Variants in SORCS2 observed in about 807,000 individuals in gnomAD.
SORCS2 encodes sortilin related VPS10 domain containing receptor 2, also known as VPS10 domain-containing receptor SorCS2.
In SORCS2, 100 loss-of-function variants were observed where a neutral mutation model predicts 141.6. The observed-to-expected ratio is 0.71, with a 90% CI of 0.60 to 0.83. The LOEUF (loss-of-function observed/expected upper bound fraction) is 0.83, where lower values mean the gene tolerates loss of function less well. Among genes scored for constraint, SORCS2 ranks in the 40% least tolerant of loss-of-function variants. SORCS2 has a pLI of 0.00. For missense variants in SORCS2, 1,646 were observed against 1,560.2 expected (o/e 1.05, Z -0.93); for synonymous variants, 789 against 676.9 (o/e 1.17, Z -2.57).
chr4:7,703,154 C>A, intron 12 of SORCS2, 126 bp from the exon 13 acceptor site: 1 of 690,108 alleles, frequency 1.4e-6, no homozygotes, highest in Non-Finnish European at 2.4e-6. Context: ...ACCCTCAGAC[C>A]GGCCTTGGCC....
At chr4:7,601,783 AGGTCTCT>A (rs2108793597) in intron 3 of SORCS2, among the ~76,000 whole-genome samples, 1 of 152,186 alleles carries the variant, frequency 6.6e-6, no homozygotes, top group East Asian at 1.9e-4. Flanking sequence ...ATGTGAACAA[AGGTCTCT>A]GGTTTTCCTA....
intron 3 of SORCS2, among the ~76,000 whole-genome samples, chr4:7,622,761 C>T (rs767584604): frequency 1.3e-5 from 2 of 152,152 alleles, no homozygotes; most frequent in Admixed American, 6.5e-5. Flanking sequence ...GTGGCCTCCA[C>T]GAGATTGTAG....
chr4:7,604,907 G>A (rs1000054121), intron 3 of SORCS2, among the ~76,000 whole-genome samples: 4 of 152,114 alleles, frequency 2.6e-5, no homozygotes, highest in Non-Finnish European at 5.9e-5. Flanking sequence ...CCTCTCCTTG[G>A]ATTTGTCTCC....
At position 7,292,325 on chromosome 4, in the gene SORCS2, C is replaced by A. The variant is rs184403868; in HGVS notation, c.480+99199C>A. On this transcript the variant is annotated intron_variant, in intron 1 of 26. Transcript: ENST00000507866. ...TTCACCAAGGAGGCTCCCCACCATT[C>A]GCAGTCTGTTCACCAAGGAGGCTCC... Among the ~76,000 whole-genome samples, 273 of 152,216 alleles carry A rather than the reference C, an allele frequency of 1.8e-3. 7 individuals are homozygous for A. Among genetic ancestry groups the A allele is most frequent in the Admixed American group, 0.016 (250 of 15,296 alleles).
At chr4:7,327,230 T>C (rs1292154930) in intron 1 of SORCS2, among the ~76,000 whole-genome samples, 4 of 152,228 alleles carry the variant, frequency 2.6e-5, no homozygotes, top group Non-Finnish European at 5.9e-5. Flanking sequence ...AAGGGAGTTA[T>C]TGGGCCACTG....
intron 1 of SORCS2, among the ~76,000 whole-genome samples, chr4:7,388,370 A>G (rs1313067992): frequency 6.6e-6 from 1 of 152,152 alleles, no homozygotes; most frequent in South Asian, 2.1e-4. Flanking sequence ...GAGAAAAGCC[A>G]CCTGTGTTCT....
chr4:7,410,604 A>G (rs559570081), intron 2 of SORCS2, among the ~76,000 whole-genome samples: 1 of 152,192 alleles, frequency 6.6e-6, no homozygotes, highest in African/African-American at 2.4e-5. Context: ...TTCTCCCATT[A>G]CCTAAAATGT....
intron 1 of SORCS2, among the ~76,000 whole-genome samples, chr4:7,199,007 C>T (rs1258815395): frequency 1.3e-5 from 2 of 152,174 alleles, no homozygotes; most frequent in Non-Finnish European, 2.9e-5. Flanking sequence ...ATATTTGCCT[C>T]CAAAGCAGCC....
chr4:7,396,191 G>T, intron 1 of SORCS2, 97 bp from the exon 2 acceptor site: 1 of 1,175,314 alleles, frequency 8.5e-7, no homozygotes, highest in South Asian at 1.4e-5. Context: ...GTTATTTAGA[G>T]ACCCCAAATT....
intron 1 of SORCS2, among the ~76,000 whole-genome samples, chr4:7,275,467 G>A (rs1456281428): frequency 1.3e-5 from 2 of 152,146 alleles, no homozygotes; most frequent in Admixed American, 6.5e-5. Context: ...TCTGCTCTGC[G>A]ATGTTGCCAG....
At chr4:7,492,188 C>CGCCACCTGT (rs1401965457) in intron 2 of SORCS2, among the ~76,000 whole-genome samples, 1 of 152,234 alleles carries the variant, frequency 6.6e-6, no homozygotes, top group Non-Finnish European at 1.5e-5. Context: ...GCCCACCTCC[C>CGCCACCTGT]GCCACCTGTA....
chr4:7,533,657 C>T (rs1228862588), intron 3 of SORCS2, among the ~76,000 whole-genome samples: 1 of 152,216 alleles, frequency 6.6e-6, no homozygotes, highest in Non-Finnish European at 1.5e-5. Flanking sequence ...AAGGGCAAGG[C>T]AACAGGGGCA....
At chr4:7,284,683 T>A (rs1716093822) in intron 1 of SORCS2, among the ~76,000 whole-genome samples, 1 of 152,178 alleles carries the variant, frequency 6.6e-6, no homozygotes, top group Admixed American at 6.5e-5. Context: ...ACAGGCTGTT[T>A]ATGGCAGAGA....
intron 21 of SORCS2, among the ~76,000 whole-genome samples, 161 bp from the exon 22 acceptor site, chr4:7,728,189 C>G (rs553761641): frequency 6.6e-6 from 1 of 152,156 alleles, no homozygotes; most frequent in Non-Finnish European, 1.5e-5. Flanking sequence ...GGACTGCTGT[C>G]GGCCTGCTTG....
At chr4:7,449,505 C>T (rs748969899) in intron 2 of SORCS2, among the ~76,000 whole-genome samples, 5 of 150,104 alleles carry the variant, frequency 3.3e-5, no homozygotes, top group Admixed American at 6.7e-5. Flanking sequence ...CGTTGTGCCT[C>T]TGGTCTCCCT....
intron 1 of SORCS2, among the ~76,000 whole-genome samples, chr4:7,259,594 G>A (rs1396200786): frequency 6.6e-6 from 1 of 152,152 alleles, no homozygotes; most frequent in African/African-American, 2.4e-5. Context: ...TGCTCCTCAT[G>A]CCCTGTCCAG....
chr4:7,734,086 A>G (rs543478005), intron 24 of SORCS2, among the ~76,000 whole-genome samples, 186 bp from the exon 25 acceptor site: 10 of 137,158 alleles, frequency 7.3e-5, no homozygotes, highest in Non-Finnish European at 1.6e-4. Flanking sequence ...GGGCTGGGGA[A>G]GGGCTGGGGA....
chr4:7,731,166 C>A (rs1711642234), intron 23 of SORCS2, among the ~76,000 whole-genome samples: 1 of 152,174 alleles, frequency 6.6e-6, no homozygotes, highest in Non-Finnish European at 1.5e-5. Flanking sequence ...CTAACAATAG[C>A]ATCAAAAATT....
At chr4:7,553,904 C>T (rs1713912677) in intron 3 of SORCS2, among the ~76,000 whole-genome samples, 1 of 152,094 alleles carries the variant, frequency 6.6e-6, no homozygotes, top group Non-Finnish European at 1.5e-5. Context: ...TTGATGTGAA[C>T]TTGAAGTTGA....
Sources: gnomAD v4.1 joint callset for allele counts (sites outside exome capture counted in the v4.1 genomes callset) on GRCh38, gnomAD v4.1.1 for gene constraint, MANE v1.5 for transcripts, NCBI Gene and HGNC (gene_info 2026-07-23, HGNC 2026-07-21) for gene names.